The following ZNF33A variants were observed in gnomAD, a reference collection of about 807,000 sequenced individuals.
The protein encoded by ZNF33A is zinc finger protein 33A, also known as brain my041 protein.
In ZNF33A, 9 loss-of-function variants were observed where a neutral mutation model predicts 15.9. That is an observed-to-expected ratio of 0.57 (90% confidence interval 0.34 to 0.99). The LOEUF is 0.99. ZNF33A is among the 50% of genes least tolerant of loss of function. ZNF33A has a pLI of 0.02. For missense variants in ZNF33A, 843 were observed against 941.6 expected (o/e 0.90, Z 1.37); for synonymous variants, 294 against 324.2 (o/e 0.91, Z 1.00).
chr10:38,012,151 CT>C (rs1327026813), intron 1 of ZNF33A, 146 bp from the exon 2 acceptor site: 5 of 637,922 alleles, frequency 7.8e-6, no homozygotes, highest in East Asian at 5.6e-5. Flanking sequence ...TTTCTACCCC[CT>C]ATTCCAAAGT....
At chr10:38,038,207 A>C (rs2065537350) in intron 4 of ZNF33A, among the ~76,000 whole-genome samples, 2 of 152,018 alleles carry the variant, frequency 1.3e-5, no homozygotes, top group South Asian at 2.1e-4. Flanking sequence ...ATCTCGGCTC[A>C]CTGCGTCTCA....
chr10:38,065,410 G>A (rs1255096393), downstream of ZNF33A, among the ~76,000 whole-genome samples: 1 of 152,130 alleles, frequency 6.6e-6, no homozygotes, highest in East Asian at 1.9e-4. Flanking sequence ...TTCATGTGGG[G>A]ACTTGATAAC....
intron 4 of ZNF33A, among the ~76,000 whole-genome samples, chr10:38,031,187 A>G (rs2065195304): frequency 2.0e-5 from 3 of 152,228 alleles, no homozygotes; most frequent in African/African-American, 7.2e-5. Flanking sequence ...ATATTGAACT[A>G]TAGTTCTGCA....
intron 4 of ZNF33A, among the ~76,000 whole-genome samples, chr10:38,033,071 C>T (rs2135641913): frequency 6.6e-6 from 1 of 152,124 alleles, no homozygotes; most frequent in South Asian, 2.1e-4. Context: ...AGAACGTTGT[C>T]ATCATCCCTG....
intron 4 of ZNF33A, among the ~76,000 whole-genome samples, chr10:38,053,680 G>C (rs1464803966): frequency 6.6e-6 from 1 of 152,070 alleles, no homozygotes; most frequent in Non-Finnish European, 1.5e-5. Flanking sequence ...CTTCATTCCT[G>C]AGTTTGATTA....
At chr10:38,020,532 C>T (rs1054778691) in intron 4 of ZNF33A, among the ~76,000 whole-genome samples, 3 of 152,088 alleles carry the variant, frequency 2.0e-5, no homozygotes, top group Admixed American at 6.6e-5. Context: ...CTCTGGTAAC[C>T]GTCCTTTTAC....
At position 38,057,527 on chromosome 10, in the gene ZNF33A, AT is replaced by A; in HGVS notation, c.*969del. The A allele has an allele frequency of 1.0e-6, 1 of 985,470 alleles. No homozygotes were observed. The highest frequency in any genetic ancestry group is 1.2e-6 in the Non-Finnish European group (1 of 829,924). 61.0% of individuals were successfully genotyped at this position (985,470 alleles called of 1,614,324 possible). ...GGTATCCTAGTTTAGTAGTGGTTACATTATCAGGCCCATCCCAGATGTTTGT... is the reference window on the plus strand; with the variant it reads ...GGTATCCTAGTTTAGTAGTGGTTACATATCAGGCCCATCCCAGATGTTTGT... On this transcript the variant is annotated 3_prime_UTR_variant, in exon 5 of 5. Coordinates refer to ENST00000432900, the MANE Select transcript of ZNF33A (RefSeq NM_006954.2).
intron 4 of ZNF33A, among the ~76,000 whole-genome samples, chr10:38,022,831 A>G (rs2064813907): frequency 6.6e-6 from 1 of 152,122 alleles, no homozygotes; most frequent in Non-Finnish European, 1.5e-5. Context: ...CCTCCAAAAA[A>G]CCAATTTCCA....
chr10:38,021,236 A>T (rs187268159), intron 4 of ZNF33A, among the ~76,000 whole-genome samples: 5 of 152,368 alleles, frequency 3.3e-5, no homozygotes, highest in Admixed American at 3.3e-4. Context: ...AAATTATTAG[A>T]CAAAAGGAAC....
At position 38,055,931 on chromosome 10, in the gene ZNF33A, C is replaced by A. The variant is rs2066457393; in HGVS notation, c.1807C>A (p.His603Asn). 6 of 1,613,806 alleles carry A rather than the reference C, an allele frequency of 3.7e-6. No homozygotes were observed. Among genetic ancestry groups the A allele is most frequent in the Non-Finnish European group, 5.1e-6 (6 of 1,179,876 alleles). The change falls in exon 5 of 5, where the codon CAT becomes AAT. Residue 603 changes from histidine to asparagine, a missense_variant. Coordinates refer to ENST00000432900, the MANE Select transcript of ZNF33A (RefSeq NM_006954.2). ...ATACCTAACTAAACATAATAGAACA[C>A]ATACAGGGGAGAAACCCTATGAATG... The part of the protein sequence containing the change: ...KSYLTKHNRT[H>N]TGEKPYECNE...
At chr10:38,064,638 G>A (rs1334547247), downstream of ZNF33A, 1 of 152,486 alleles carries the variant, frequency 6.6e-6, no homozygotes, top group Non-Finnish European at 1.5e-5. Context: ...TAAAGCCAGA[G>A]CTGGCCAAAG....
chr10:38,064,246 G>T, downstream of ZNF33A: 1 of 792,414 alleles, frequency 1.3e-6, no homozygotes, highest in Non-Finnish European at 2.0e-6. Flanking sequence ...TCCAACACTA[G>T]CATGCTGTGG....
At chr10:38,053,028 C>A (rs2135751672) in intron 4 of ZNF33A, among the ~76,000 whole-genome samples, 1 of 151,860 alleles carries the variant, frequency 6.6e-6, no homozygotes, top group South Asian at 2.1e-4. Flanking sequence ...TTATCCAGAA[C>A]TTTCTTTCTG....
chr10:38,046,642 CAT>C (rs1390306135), intron 4 of ZNF33A, among the ~76,000 whole-genome samples: 4 of 152,128 alleles, frequency 2.6e-5, no homozygotes, highest in African/African-American at 7.2e-5. Flanking sequence ...GACTTACAGA[CAT>C]GTGGGAAAAC....
Position 38,057,386 on chromosome 10 carries a change from A to G in ZNF33A, c.*826A>G. 1.0e-6 allele frequency: 1 copy of G among 985,466 alleles called. No homozygotes were observed. Among genetic ancestry groups the G allele is most frequent in the Non-Finnish European group, 1.2e-6 (1 of 829,946 alleles). 61.0% of individuals were successfully genotyped at this position (985,466 alleles called of 1,614,324 possible). On this transcript the variant is annotated 3_prime_UTR_variant, in exon 5 of 5. Coordinates refer to ENST00000432900, the MANE Select transcript of ZNF33A (RefSeq NM_006954.2). ...AATAATCAGGGCAATAGCATTAAGC[A>G]CATCTGCGAATTATCCCTGAAGTTC...
intron 1 of ZNF33A, 85 bp from the exon 2 acceptor site, chr10:38,012,213 T>C: frequency 7.2e-7 from 1 of 1,388,126 alleles, no homozygotes; most frequent in Non-Finnish European, 1.0e-6. Flanking sequence ...CTAGTGGGTG[T>C]GTATGGCTTC....
At position 38,057,525 on chromosome 10, in the gene ZNF33A, A is replaced by G; in HGVS notation, c.*965A>G. 2 of 985,446 alleles carry G rather than the reference A, an allele frequency of 2.0e-6. No homozygotes were observed. Among genetic ancestry groups the G allele is most frequent in the Non-Finnish European group, 2.4e-6 (2 of 829,902 alleles). 61.0% of individuals were successfully genotyped at this position (985,446 alleles called of 1,614,324 possible). ...TAGGTATCCTAGTTTAGTAGTGGTT[A>G]CATTATCAGGCCCATCCCAGATGTT... On this transcript the variant is annotated 3_prime_UTR_variant, in exon 5 of 5. Coordinates refer to ENST00000432900, the MANE Select transcript of ZNF33A (RefSeq NM_006954.2).
At chr10:38,028,676 C>T (rs1397696348) in intron 4 of ZNF33A, among the ~76,000 whole-genome samples, 1 of 152,146 alleles carries the variant, frequency 6.6e-6, no homozygotes, top group Non-Finnish European at 1.5e-5. Context: ...CTGTGTTGGC[C>T]AGGCTGGTCT....
chr10:38,064,244 T>C (rs1590738103), downstream of ZNF33A: 1 of 798,284 alleles, frequency 1.3e-6, no homozygotes, highest in Non-Finnish European at 2.0e-6. Context: ...TCTCCAACAC[T>C]AGCATGCTGT....
Sources: allele counts gnomAD v4.1 joint callset (sites outside exome capture counted in the v4.1 genomes callset), GRCh38; gene constraint gnomAD v4.1.1; transcripts MANE v1.5; gene names NCBI Gene and HGNC (gene_info 2026-07-23, HGNC 2026-07-21).